PDE8B: variants seen among roughly 807,000 people sequenced by gnomAD.
PDE8B encodes high affinity cAMP-specific and IBMX-insensitive 3',5'-cyclic phosphodiesterase 8B.
In PDE8B, 26 loss-of-function variants were observed where a neutral mutation model predicts 101.3. The observed-to-expected ratio is 0.26, with a 90% CI of 0.19 to 0.36. The LOEUF is 0.36. Among genes scored for constraint, PDE8B ranks in the 10% least tolerant of loss-of-function variants. The pLI, the probability that PDE8B is intolerant of heterozygous loss-of-function variation, is 1.00. For synonymous variants in PDE8B, 424 were observed against 429.3 expected (o/e 0.99, Z 0.15); for missense variants, 810 against 1,163.1 (o/e 0.70, Z 4.42).
At chr5:77,224,636 A>C (rs561504419) in intron 1 of PDE8B, among the ~76,000 whole-genome samples, 2 of 152,372 alleles carry the variant, frequency 1.3e-5, no homozygotes, top group African/African-American at 4.8e-5. Flanking sequence ...AATATTATCA[A>C]ATACAAGACA....
At chr5:77,425,542 G>A (rs960951557) in intron 20 of PDE8B, among the ~76,000 whole-genome samples, 5 of 152,162 alleles carry the variant, frequency 3.3e-5, no homozygotes, top group Non-Finnish European at 7.3e-5. Flanking sequence ...AACAGAGTGA[G>A]ACACTGTCTC....
At chr5:77,377,252 G>A (rs1202069059) in intron 10 of PDE8B, among the ~76,000 whole-genome samples, 1 of 152,172 alleles carries the variant, frequency 6.6e-6, no homozygotes, top group Non-Finnish European at 1.5e-5. Flanking sequence ...TCAACAAACA[G>A]AATACACCTA....
the PDE8B span, chr5:77,089,308 A>G: frequency 6.5e-6 from 1 of 154,768 alleles, no homozygotes. Flanking sequence ...TGAGAATCTA[A>G]TGCCTGATGA....
intron 1 of PDE8B, among the ~76,000 whole-genome samples, chr5:77,304,958 TGA>T (rs1419101123): frequency 6.6e-6 from 1 of 152,176 alleles, no homozygotes; most frequent in Non-Finnish European, 1.5e-5. Flanking sequence ...GCATGATAGC[TGA>T]GTCTTGGGTG....
At chr5:77,116,224 A>ATATATATATATATATTTTTTTT in the PDE8B span, among the ~76,000 whole-genome samples, 1 of 59,610 alleles carries the variant, frequency 1.7e-5, no homozygotes, top group African/African-American at 7.2e-5. Context: ...ATATATATAT[A>ATATATATATATATATTTTTTTT]TTTTTTTTTT....
the PDE8B span, among the ~76,000 whole-genome samples, chr5:77,189,622 A>G: frequency 6.6e-6 from 1 of 152,198 alleles, no homozygotes; most frequent in African/African-American, 2.4e-5. Flanking sequence ...AAGGCCCTGA[A>G]GGAGCATGTC....
the PDE8B span, among the ~76,000 whole-genome samples, chr5:77,124,652 T>C: frequency 6.6e-6 from 1 of 151,118 alleles, no homozygotes; most frequent in Non-Finnish European, 1.5e-5. Flanking sequence ...GACGTGAAAG[T>C]TATAAGAAAT....
intron 10 of PDE8B, among the ~76,000 whole-genome samples, chr5:77,395,793 T>C (rs1268191740): frequency 7.2e-6 from 1 of 139,400 alleles, no homozygotes; most frequent in African/African-American, 2.6e-5. Context: ...ACCTGGGTAA[T>C]AGGCATATTG....
At chr5:77,212,923 T>A (rs186947717) in intron 1 of PDE8B, among the ~76,000 whole-genome samples, 199 of 152,334 alleles carry the variant, frequency 1.3e-3, no homozygotes, top group African/African-American at 4.6e-3. Context: ...ATGAACTTTG[T>A]GATACTTTTT....
At chr5:77,181,463 G>A in the PDE8B span, among the ~76,000 whole-genome samples, 1 of 152,158 alleles carries the variant, frequency 6.6e-6, no homozygotes, top group Non-Finnish European at 1.5e-5. Context: ...GAGAGGTGAG[G>A]CTTGCAGCAG....
intron 1 of PDE8B, among the ~76,000 whole-genome samples, chr5:77,253,080 G>A (rs1473761832): frequency 6.6e-6 from 1 of 152,186 alleles, no homozygotes; most frequent in African/African-American, 2.4e-5. Context: ...TATACTAGGA[G>A]CAGGAACTGA....
At chr5:77,230,197 T>A (rs1753276952) in intron 1 of PDE8B, among the ~76,000 whole-genome samples, 1 of 152,228 alleles carries the variant, frequency 6.6e-6, no homozygotes, top group Non-Finnish European at 1.5e-5. Flanking sequence ...CAAGGTTGTT[T>A]TTAAGAATTA....
intron 1 of PDE8B, among the ~76,000 whole-genome samples, chr5:77,271,994 A>G (rs565432801): frequency 4.8e-4 from 73 of 152,118 alleles, no homozygotes; most frequent in African/African-American, 1.7e-3. Flanking sequence ...AGAAATGTCA[A>G]CTCTCAGCCA....
At chr5:77,179,305 C>G in the PDE8B span, among the ~76,000 whole-genome samples, 1 of 152,194 alleles carries the variant, frequency 6.6e-6, no homozygotes, top group African/African-American at 2.4e-5. Flanking sequence ...ATCTCATCAG[C>G]CTTTCTGGAT....
chr5:77,414,355 A>G (rs1194418033), intron 17 of PDE8B, among the ~76,000 whole-genome samples: 1 of 152,202 alleles, frequency 6.6e-6, no homozygotes, highest in Non-Finnish European at 1.5e-5. Flanking sequence ...ATGTTTCTAT[A>G]ACACCTTTCT....
At chr5:77,315,396 C>T (rs1352349916) in intron 2 of PDE8B, among the ~76,000 whole-genome samples, 4 of 152,128 alleles carry the variant, frequency 2.6e-5, no homozygotes. Flanking sequence ...GTTTCCAGCT[C>T]CACTTATTAC....
At chr5:77,183,433 A>C in the PDE8B span, among the ~76,000 whole-genome samples, 1 of 152,116 alleles carries the variant, frequency 6.6e-6, no homozygotes, top group East Asian at 1.9e-4. Flanking sequence ...TATTTCTTTA[A>C]ATTTTACAAA....
At chr5:77,234,172 C>T (rs1307154352) in intron 1 of PDE8B, among the ~76,000 whole-genome samples, 1 of 152,142 alleles carries the variant, frequency 6.6e-6, no homozygotes, top group Non-Finnish European at 1.5e-5. Context: ...TGGTCATTTT[C>T]CCAGTTCCAG....
chr5:77,350,293 T>G (rs1183172340), intron 8 of PDE8B, among the ~76,000 whole-genome samples: 1 of 152,014 alleles, frequency 6.6e-6, no homozygotes, highest in African/African-American at 2.4e-5. Flanking sequence ...TAGATGATGA[T>G]CAAAATGTTT....
Sources: gnomAD v4.1 joint callset for allele counts (sites outside exome capture counted in the v4.1 genomes callset) on GRCh38, gnomAD v4.1.1 for gene constraint, MANE v1.5 for transcripts, NCBI Gene and HGNC (gene_info 2026-07-23, HGNC 2026-07-21) for gene names.